HS3ST4: variants seen among roughly 807,000 people sequenced by gnomAD.
The protein encoded by HS3ST4 is heparan sulfate glucosamine 3-O-sulfotransferase 4.
In HS3ST4, 17 loss-of-function variants were observed where a neutral mutation model predicts 29.2. The ratio of observed to expected loss-of-function variants is 0.58; its 90% CI spans 0.40 to 0.87. The LOEUF (loss-of-function observed/expected upper bound fraction) is 0.87, where lower values mean the gene tolerates loss of function less well. HS3ST4 is among the 40% of genes least tolerant of loss of function. The pLI, the probability that HS3ST4 is intolerant of heterozygous loss-of-function variation, is 0.00. For missense variants in HS3ST4, 627 were observed against 634.5 expected (o/e 0.99, Z 0.13); for synonymous variants, 314 against 285.7 (o/e 1.10, Z -1.00).
intron 1 of HS3ST4, among the ~76,000 whole-genome samples, chr16:25,989,775 C>A (rs1222016684): frequency 1.3e-5 from 2 of 152,068 alleles, no homozygotes; most frequent in African/African-American, 2.4e-5. Flanking sequence ...AAAACAAAAC[C>A]AAACTGTTCT....
At chr16:26,089,637 T>C (rs1284358314) in intron 1 of HS3ST4, among the ~76,000 whole-genome samples, 1 of 152,228 alleles carries the variant, frequency 6.6e-6, no homozygotes, top group Non-Finnish European at 1.5e-5. Context: ...ACAGGCAGAG[T>C]GCTTCAGGAA....
intron 1 of HS3ST4, among the ~76,000 whole-genome samples, chr16:26,102,375 A>G (rs1263030571): frequency 1.3e-5 from 2 of 152,168 alleles, no homozygotes; most frequent in African/African-American, 4.8e-5. Flanking sequence ...CCAAGCACTC[A>G]AAAGGTGGTC....
At chr16:25,874,982 C>T (rs148851221) in intron 1 of HS3ST4, among the ~76,000 whole-genome samples, 1,609 of 152,270 alleles carry the variant, frequency 0.011, 28 homozygotes, top group African/African-American at 0.037. Context: ...ATTGCACACA[C>T]ATACCTACAC....
At position 25,994,454 on chromosome 16, in the gene HS3ST4, C is replaced by G. The variant is rs151186963; in HGVS notation, c.735-141158C>G. 3.4e-4 allele frequency among the ~76,000 whole-genome samples: 51 copies of G among 152,182 alleles called. No individual in the cohort carries two copies. The East Asian group carries it at 9.8e-3, about 29-fold the overall frequency. ...CCATTTCATACAGTACTGTAAAGAG[C>G]ACATAATATATACTGTTTATTTATG... On this transcript the variant is annotated intron_variant, in intron 1 of 1. Coordinates refer to ENST00000331351, the MANE Select transcript of HS3ST4 (RefSeq NM_006040.3).
intron 1 of HS3ST4, among the ~76,000 whole-genome samples, chr16:26,059,813 C>T (rs1017929584): frequency 8.6e-5 from 13 of 151,834 alleles, no homozygotes; most frequent in African/African-American, 1.9e-4. Flanking sequence ...AGTCTTGCTC[C>T]GTCGCCCAGG....
chr16:25,804,992 C>A (rs562811864), intron 1 of HS3ST4, among the ~76,000 whole-genome samples: 1 of 152,176 alleles, frequency 6.6e-6, no homozygotes, highest in Non-Finnish European at 1.5e-5. Context: ...GGTACCCCAA[C>A]CTCAGGTGGG....
chr16:25,946,229 A>C (rs1191277743), intron 1 of HS3ST4, among the ~76,000 whole-genome samples: 3 of 152,216 alleles, frequency 2.0e-5, no homozygotes, highest in African/African-American at 7.2e-5. Flanking sequence ...GTAAAATTAC[A>C]GTGCAGATGT....
chr16:25,826,397 G>T (rs936600591), intron 1 of HS3ST4: 18 of 152,122 alleles, frequency 1.2e-4, no homozygotes, highest in African/African-American at 4.3e-4. Context: ...TTTCTTTTTG[G>T]TGGAGAGACA....
chr16:25,946,157 C>G (rs563097288), intron 1 of HS3ST4, among the ~76,000 whole-genome samples: 1 of 152,270 alleles, frequency 6.6e-6, no homozygotes, highest in African/African-American at 2.4e-5. Flanking sequence ...GACAACCTGT[C>G]GAGAGAGTTT....
intron 1 of HS3ST4, among the ~76,000 whole-genome samples, chr16:25,865,309 CTT>C (rs1396502740): frequency 2.0e-5 from 3 of 152,146 alleles, no homozygotes; most frequent in African/African-American, 7.2e-5. Context: ...CTCACCAACA[CTT>C]GATATATTTT....
chr16:25,914,692 A>C (rs138794350), intron 1 of HS3ST4, among the ~76,000 whole-genome samples: 1 of 151,474 alleles, frequency 6.6e-6, no homozygotes, highest in Non-Finnish European at 1.5e-5. Context: ...GTGTGAAAGC[A>C]CCTGCAGAAG....
At chr16:25,775,113 T>C (rs1490284991) in intron 1 of HS3ST4, among the ~76,000 whole-genome samples, 1 of 152,198 alleles carries the variant, frequency 6.6e-6, no homozygotes, top group Non-Finnish European at 1.5e-5. Context: ...CCATCAAGGA[T>C]TCGAGGAGCA....
chr16:25,847,030 ACT>A (rs1436801441), intron 1 of HS3ST4, among the ~76,000 whole-genome samples: 7 of 109,620 alleles, frequency 6.4e-5, no homozygotes, highest in African/African-American at 2.2e-4. Context: ...TTTTTTTTTG[ACT>A]CTTTTTTTCA....
intron 1 of HS3ST4, among the ~76,000 whole-genome samples, chr16:25,766,675 A>G (rs565789632): frequency 4.5e-4 from 68 of 152,348 alleles, no homozygotes; most frequent in African/African-American, 1.5e-3. Context: ...TGGTGATACA[A>G]TGATGAAAAA....
chr16:26,118,725 C>G (rs1639547862), intron 1 of HS3ST4, among the ~76,000 whole-genome samples: 1 of 152,060 alleles, frequency 6.6e-6, no homozygotes, highest in South Asian at 2.1e-4. Context: ...AAAGATCACT[C>G]CAGGATGAGG....
intron 1 of HS3ST4, among the ~76,000 whole-genome samples, chr16:25,725,482 A>C (rs1009867609): frequency 1.3e-5 from 2 of 152,160 alleles, no homozygotes; most frequent in Non-Finnish European, 2.9e-5. Context: ...AAAGCCTTTA[A>C]ATCATTCTAA....
intron 1 of HS3ST4, among the ~76,000 whole-genome samples, chr16:25,740,713 G>A (rs888163567): frequency 6.6e-6 from 1 of 152,176 alleles, no homozygotes; most frequent in Non-Finnish European, 1.5e-5. Context: ...TGTGAGGACA[G>A]TGTTATCACA....
At chr16:25,763,097 G>A (rs767637304) in intron 1 of HS3ST4, among the ~76,000 whole-genome samples, 7 of 151,890 alleles carry the variant, frequency 4.6e-5, no homozygotes, top group Non-Finnish European at 1.0e-4. Flanking sequence ...ATCCCCTCTG[G>A]CAGCTGCACT....
At chr16:25,781,897 T>G (rs993725076) in intron 1 of HS3ST4, among the ~76,000 whole-genome samples, 1 of 152,092 alleles carries the variant, frequency 6.6e-6, no homozygotes, top group African/African-American at 2.4e-5. Flanking sequence ...GCTTCTCCAC[T>G]CCAAAAAACC....
Sources: allele counts gnomAD v4.1 joint callset (sites outside exome capture counted in the v4.1 genomes callset), GRCh38; gene constraint gnomAD v4.1.1; transcripts MANE v1.5; gene names NCBI Gene and HGNC (gene_info 2026-07-23, HGNC 2026-07-21).